Variants in MEIOB observed in about 807,000 individuals in gnomAD.
MEIOB encodes meiosis specific with OB-fold, also known as meiosis-specific with OB domain-containing protein.
A neutral mutation model predicts 53.1 loss-of-function variants in MEIOB; 50 were observed. The observed-to-expected ratio is 0.94, with a 90% CI of 0.75 to 1.19. The LOEUF (loss-of-function observed/expected upper bound fraction) is 1.19, where lower values mean the gene tolerates loss of function less well. Ranked by LOEUF, MEIOB falls within the 50% of genes most tolerant of loss-of-function variation. The pLI, the probability that MEIOB is intolerant of heterozygous loss-of-function variation, is 0.00. For missense variants in MEIOB, 551 were observed against 550.8 expected, an observed-to-expected ratio of 1.00 and a Z score of 0.00; for synonymous variants, 192 against 182.5, an observed-to-expected ratio of 1.05 and a Z score of -0.42.
rs918030008 is a variant in MEIOB, at chr16:1,855,137, G to C, written c.529-937C>G. On this transcript the variant is annotated intron_variant, in intron 6 of 13. Coordinates refer to ENST00000325962, the MANE Select transcript of MEIOB (RefSeq NM_001163560.3). ...GAGAGGAAGAAACAACAGGTTAAAT[G>C]AAAGTGTGAAGAGTGGCCGGGAGGG... Among the ~76,000 whole-genome samples the C allele has an allele frequency of 2.6e-5, 4 of 152,192 alleles. No individual in the cohort carries two copies. The South Asian group carries it at 8.3e-4, about 32-fold the overall frequency.
chr16:1,843,669 G>C (rs1485583221), intron 10 of MEIOB: 1 of 149,182 alleles, frequency 6.7e-6, no homozygotes, highest in South Asian at 2.1e-4. Flanking sequence ...TTGCATCCCA[G>C]CCTGGGTGAC....
At chr16:1,849,529 G>A (rs1206292821) in intron 9 of MEIOB, among the ~76,000 whole-genome samples, 1 of 120,062 alleles carries the variant, frequency 8.3e-6, no homozygotes. Flanking sequence ...CTGGGTGACA[G>A]AGTGAGACTC....
At chr16:1,865,071 C>T (rs1275968249) in intron 3 of MEIOB, among the ~76,000 whole-genome samples, 1 of 152,002 alleles carries the variant, frequency 6.6e-6, no homozygotes, top group Non-Finnish European at 1.5e-5. Flanking sequence ...ATCACTTGAG[C>T]CCAGGAGTTT....
rs1218599660 is a variant in MEIOB, at chr16:1,834,270, G to C, written c.1402C>G (p.Gln468Glu). The change falls in exon 14 of 14, where the codon CAA becomes GAA. Residue 468 changes from glutamine (Q) to glutamate (E), a missense_variant. Coordinates refer to ENST00000325962, the MANE Select transcript of MEIOB (RefSeq NM_001163560.3). Reference sequence around the variant, plus strand: ...GATAGACCGTTTTAAACATGTTTTTGTCCAGACAAGTTTCTGCTTGCCTCA... The same window carrying C: ...GATAGACCGTTTTAAACATGTTTTTCTCCAGACAAGTTTCTGCTTGCCTCA... ...PTEASRNLSG[Q>E]KHV 3.1e-6 allele frequency: 5 copies of C among 1,598,728 alleles called. No homozygotes were observed. The East Asian group carries it at 1.1e-4, about 36-fold the overall frequency.
intron 9 of MEIOB, among the ~76,000 whole-genome samples, chr16:1,849,545 C>CAAAAA (rs373210979): frequency 1.3e-5 from 1 of 79,224 alleles, no homozygotes; most frequent in African/African-American, 5.2e-5. Context: ...GACTCCGTCT[C>CAAAAA]AAAAAAAAAA....
chr16:1,861,736 T>C (rs1016088053), intron 4 of MEIOB, among the ~76,000 whole-genome samples: 3 of 152,004 alleles, frequency 2.0e-5, no homozygotes, highest in African/African-American at 7.2e-5. Flanking sequence ...GGTCTTGCCA[T>C]GTTGCTCAGG....
chr16:1,837,868 T>A lies in MEIOB; in HGVS notation c.1221A>T (p.Val407=), dbSNP rs2142074705. 1 of 1,506,032 alleles carries A rather than the reference T, an allele frequency of 6.6e-7. No individual in the cohort carries two copies. Among genetic ancestry groups the A allele is most frequent in the South Asian group, 1.3e-5 (1 of 77,272 alleles). The allele number at this position is 1,506,032 out of a possible 1,614,324, so 93.3% of individuals were successfully genotyped here. Residue 407 remains valine (V), a splice_region_variant and synonymous_variant, in exon 13 of 14, where the codon GTA becomes GTT. Coordinates refer to ENST00000325962, the MANE Select transcript of MEIOB (RefSeq NM_001163560.3). ...CATCTGTCATTGCAAGAAACTCATGTACCTGGTTAAAAAAAAAATATGAGA... is the reference window on the plus strand; with the variant it reads ...CATCTGTCATTGCAAGAAACTCATGAACCTGGTTAAAAAAAAAATATGAGA... ...SVAEETLGCT[V]HEFLAMTDEQ...
At chr16:1,871,216 ATTTTG>A (rs71148105) in intron 1 of MEIOB, among the ~76,000 whole-genome samples, 9 of 148,986 alleles carry the variant, frequency 6.0e-5, no homozygotes, top group South Asian at 2.1e-4. Context: ...TTACCCTACA[ATTTTG>A]TTTTGTTTTG....
At chr16:1,868,053 T>C in intron 2 of MEIOB, 54 bp downstream of exon 2, 1 of 933,122 alleles carries the variant, frequency 1.1e-6, no homozygotes, top group Non-Finnish European at 1.7e-6. Flanking sequence ...ATTGATGTAA[T>C]GTTATCACAT....
chr16:1,846,188 C>T (rs978162610), intron 9 of MEIOB, among the ~76,000 whole-genome samples: 1 of 152,198 alleles, frequency 6.6e-6, no homozygotes, highest in African/African-American at 2.4e-5. Context: ...ACTCTATTAA[C>T]TTGGAGAGAT....
At chr16:1,868,763 G>A (rs1000803527) in intron 1 of MEIOB, among the ~76,000 whole-genome samples, 2 of 150,824 alleles carry the variant, frequency 1.3e-5, no homozygotes, top group African/African-American at 4.9e-5. Flanking sequence ...GCTGAGGCAG[G>A]AGAATGGCGT....
At position 1,838,802 on chromosome 16, in the gene MEIOB, G is replaced by T. The variant is rs141980165; in HGVS notation, c.1218+453C>A. On this transcript the variant is annotated intron_variant, in intron 12 of 13. Coordinates refer to ENST00000325962, the MANE Select transcript of MEIOB (RefSeq NM_001163560.3). ...CACATCCTGGGCTCAAGTGATTCTC[G>T]TGCCCCAGCCTCCTGAGTAGCTAGG... 2.0e-3 allele frequency among the ~76,000 whole-genome samples: 301 copies of T among 151,888 alleles called. 4 individuals are homozygous for T. The highest frequency in any genetic ancestry group is 7.0e-3 in the African/African-American group (290 of 41,426).
chr16:1,853,875 C>A (rs1176306071), intron 7 of MEIOB, among the ~76,000 whole-genome samples: 2 of 152,186 alleles, frequency 1.3e-5, no homozygotes, highest in Non-Finnish European at 2.9e-5. Context: ...TAAAACTGGG[C>A]ACGGTGGAGT....
intron 2 of MEIOB, among the ~76,000 whole-genome samples, chr16:1,867,493 T>A (rs368169): frequency 3.0e-5 from 4 of 132,210 alleles, no homozygotes; most frequent in Non-Finnish European, 4.7e-5. Flanking sequence ...TTTTTTTTTT[T>A]CAGAAGAGTT....
intron 11 of MEIOB, chr16:1,841,093 C>G (rs570201523): frequency 6.7e-6 from 1 of 148,322 alleles, no homozygotes; most frequent in Non-Finnish European, 1.5e-5. Flanking sequence ...CTCGGCTCAC[C>G]GCGACCTCCG....
At chr16:1,855,921 G>C (rs1406232722) in intron 6 of MEIOB, among the ~76,000 whole-genome samples, 1 of 114,914 alleles carries the variant, frequency 8.7e-6, no homozygotes, top group African/African-American at 3.9e-5. Flanking sequence ...ATAAGCATGT[G>C]TGTTTTTTCC....
chr16:1,844,507 G>A (rs550593739), intron 10 of MEIOB, among the ~76,000 whole-genome samples: 19 of 151,230 alleles, frequency 1.3e-4, no homozygotes, highest in East Asian at 5.9e-4. Flanking sequence ...GTGTAGCCTC[G>A]CTCTGTCACC....
At chr16:1,870,255 T>A (rs191745615) in intron 1 of MEIOB, among the ~76,000 whole-genome samples, 158 of 152,372 alleles carry the variant, frequency 1.0e-3, no homozygotes, top group African/African-American at 3.8e-3. Flanking sequence ...TTTTTATGTA[T>A]GTATTTCATA....
At position 1,856,758 on chromosome 16, in the gene MEIOB, CCT is replaced by C. The variant is rs1491196891; in HGVS notation, c.528+975_528+976del. On this transcript the variant is annotated intron_variant, in intron 6 of 13. Coordinates refer to ENST00000325962, the MANE Select transcript of MEIOB (RefSeq NM_001163560.3). ...TACAGGCATGAGCCACCACGCCAGG[CCT>C]TTTTTTTTTTTTTTTTTTTTTGAGA... Among the ~76,000 whole-genome samples the C allele has an allele frequency of 1.0e-3, 108 of 104,374 alleles. 1 individual carries two copies. The highest frequency in any genetic ancestry group is 8.3e-4 in the Admixed American group (7 of 8,466). The allele number at this position is 104,374 out of a possible 152,430, so 68.5% of individuals were successfully genotyped here. A position where few individuals can be genotyped will look rare whatever the true frequency, so the allele number is the denominator to read the frequency against.
Sources: gnomAD v4.1 joint callset for allele counts (sites outside exome capture counted in the v4.1 genomes callset) on GRCh38, gnomAD v4.1.1 for gene constraint, MANE v1.5 for transcripts, NCBI Gene and HGNC (gene_info 2026-07-23, HGNC 2026-07-21) for gene names.